Variants in CCDC171 observed in about 807,000 individuals in gnomAD.
CCDC171 encodes the protein coiled-coil domain containing 171, also known as coiled-coil domain-containing protein 171.
In CCDC171, 177 loss-of-function variants were observed where a neutral mutation model predicts 168.2. That is an observed-to-expected ratio of 1.05 (90% CI 0.93 to 1.19). The LOEUF (loss-of-function observed/expected upper bound fraction) is 1.19, where lower values mean the gene tolerates loss of function less well. CCDC171 is among the 50% of genes most tolerant of loss of function. The pLI is 0.00. For synonymous variants in CCDC171, 687 were observed against 540.8 expected (o/e 1.27, Z -3.75); for missense variants, 1,991 against 1,539.0 (o/e 1.29, Z -4.91).
chr9:15,935,288 A>G (rs55950702), intron 25 of CCDC171, among the ~76,000 whole-genome samples: 13 of 152,132 alleles, frequency 8.5e-5, no homozygotes, highest in African/African-American at 3.1e-4. Context: ...AGAGACTCAG[A>G]GGAAATTTGA....
intron 18 of CCDC171, among the ~76,000 whole-genome samples, chr9:15,755,137 C>T (rs890493405): frequency 1.3e-5 from 2 of 152,082 alleles, no homozygotes; most frequent in Admixed American, 1.3e-4. Context: ...AATTTTTCCT[C>T]CCAGATAATA....
intron 9 of CCDC171, among the ~76,000 whole-genome samples, chr9:15,668,466 A>G (rs2048884398): frequency 1.3e-5 from 2 of 152,198 alleles, no homozygotes; most frequent in South Asian, 2.1e-4. Flanking sequence ...ACATATTCCA[A>G]CTAGGCACTA....
At chr9:15,914,216 C>T (rs932456146) in intron 24 of CCDC171, among the ~76,000 whole-genome samples, 4 of 152,136 alleles carry the variant, frequency 2.6e-5, no homozygotes, top group Admixed American at 2.0e-4. Flanking sequence ...CAGGCAGGAA[C>T]GTTTAAGTCT....
chr9:15,984,099 T>C (rs3008738), intron 3 of CCDC171, among the ~76,000 whole-genome samples: 12,624 of 111,492 alleles, frequency 0.11, 742 homozygotes, highest in South Asian at 0.19. Context: ...TTCTTTGAAA[T>C]ATAGAGCCCA....
intron 3 of CCDC171, among the ~76,000 whole-genome samples, chr9:16,000,750 C>G (rs542067409): frequency 6.6e-6 from 1 of 151,722 alleles, no homozygotes; most frequent in Non-Finnish European, 1.5e-5. Flanking sequence ...GCTTCACCTA[C>G]TATGTGCAGA....
intron 7 of CCDC171, among the ~76,000 whole-genome samples, chr9:15,631,770 A>C (rs1270798826): frequency 6.6e-6 from 1 of 152,258 alleles, no homozygotes; most frequent in Non-Finnish European, 1.5e-5. Flanking sequence ...AAAAATCCTC[A>C]GTAAAATACT....
At chr9:15,782,141 G>A (rs1054455673) in intron 20 of CCDC171, among the ~76,000 whole-genome samples, 1 of 152,112 alleles carries the variant, frequency 6.6e-6, no homozygotes, top group East Asian at 1.9e-4. Flanking sequence ...TTTGTCTCTC[G>A]CTCATTTCAG....
In CCDC171 at chr9:15,814,294, A is replaced by G. The variant is rs972133616; in HGVS notation, c.3267+29600A>G. Among the ~76,000 whole-genome samples, 9 of 152,202 alleles carry G rather than the reference A, an allele frequency of 5.9e-5. No homozygotes were observed. In the East Asian group the frequency reaches 1.5e-3, roughly 26 times the overall value. Reference sequence around the variant, plus strand: ...AGTCTACAAACCATAATTTAATGACATGCTTCTTTGACTTGGTGTATATTT... The same window carrying G: ...AGTCTACAAACCATAATTTAATGACGTGCTTCTTTGACTTGGTGTATATTT... On this transcript the variant is annotated intron_variant, in intron 21 of 25. Coordinates refer to ENST00000380701, the MANE Select transcript of CCDC171 (RefSeq NM_173550.4).
intron 14 of CCDC171, among the ~76,000 whole-genome samples, chr9:15,727,310 A>G (rs555583361): frequency 1.9e-4 from 29 of 152,274 alleles, no homozygotes; most frequent in African/African-American, 6.5e-4. Context: ...TAGATTTCCT[A>G]TAAGTAGTAA....
intron 7 of CCDC171, among the ~76,000 whole-genome samples, chr9:15,649,534 A>T (rs1321017490): frequency 1.3e-5 from 2 of 152,192 alleles, no homozygotes; most frequent in African/African-American, 4.8e-5. Flanking sequence ...TCTACAATGA[A>T]CTCAAACAAA....
chr9:15,809,671 T>G (rs572552946), intron 21 of CCDC171, among the ~76,000 whole-genome samples: 3 of 152,308 alleles, frequency 2.0e-5, no homozygotes, highest in Admixed American at 1.3e-4. Context: ...ATGGTCTCAC[T>G]GGCCTCAGGA....
At chr9:15,902,941 C>A (rs963957490) in intron 24 of CCDC171, among the ~76,000 whole-genome samples, 9 of 152,222 alleles carry the variant, frequency 5.9e-5, no homozygotes, top group African/African-American at 2.2e-4. Context: ...ATTGCAAGCA[C>A]AGCAGTCTGA....
chr9:15,683,781 T>C (rs2050196707), intron 10 of CCDC171, among the ~76,000 whole-genome samples: 1 of 152,076 alleles, frequency 6.6e-6, no homozygotes. Flanking sequence ...TGGTATTGTG[T>C]ATGTATGTGT....
chr9:15,931,708 T>C (rs1408568073), intron 25 of CCDC171, among the ~76,000 whole-genome samples: 1 of 151,678 alleles, frequency 6.6e-6, no homozygotes, highest in East Asian at 1.9e-4. Flanking sequence ...CCCAATATCA[T>C]GAAGCATTTC....
At chr9:15,567,104 C>G (rs764443082) in intron 2 of CCDC171, among the ~76,000 whole-genome samples, 59 of 151,010 alleles carry the variant, frequency 3.9e-4, no homozygotes, top group Non-Finnish European at 6.5e-4. Context: ...TCACTGCAAC[C>G]TCTGTCCCCC....
intron 6 of CCDC171, among the ~76,000 whole-genome samples, chr9:16,027,299 C>T (rs1045769410): frequency 6.6e-6 from 1 of 151,998 alleles, no homozygotes; most frequent in African/African-American, 2.4e-5. Context: ...CCTCCAACCC[C>T]CTTTTCTAGT....
At chr9:16,036,413 G>A (rs1205633679) in intron 8 of CCDC171, among the ~76,000 whole-genome samples, 2 of 152,224 alleles carry the variant, frequency 1.3e-5, no homozygotes, top group African/African-American at 2.4e-5. Flanking sequence ...GGGAGGCCAA[G>A]GCAGGCGGAT....
intron 16 of CCDC171, among the ~76,000 whole-genome samples, chr9:15,737,912 G>A (rs2054600697): frequency 6.6e-6 from 1 of 152,150 alleles, no homozygotes; most frequent in African/African-American, 2.4e-5. Flanking sequence ...CATTAGCAAT[G>A]TCTGAGAGTT....
intron 7 of CCDC171, among the ~76,000 whole-genome samples, chr9:15,653,714 C>T (rs2047706741): frequency 6.6e-6 from 1 of 151,920 alleles, no homozygotes; most frequent in Admixed American, 6.6e-5. Flanking sequence ...TAGTTTCATC[C>T]CTGAACACTT....
Sources: allele counts gnomAD v4.1 joint callset (sites outside exome capture counted in the v4.1 genomes callset), GRCh38; gene constraint gnomAD v4.1.1; transcripts MANE v1.5; gene names NCBI Gene and HGNC (gene_info 2026-07-23, HGNC 2026-07-21).